OSBPL10: variants seen among roughly 807,000 people sequenced by gnomAD.
OSBPL10 encodes oxysterol-binding protein-related protein 10.
OSBPL10 carries 49 observed loss-of-function variants against 81.7 expected under a neutral mutation model. That is an observed-to-expected ratio of 0.60 (90% CI 0.48 to 0.76). The LOEUF (loss-of-function observed/expected upper bound fraction) is 0.76, where lower values mean the gene tolerates loss of function less well. OSBPL10 is among the 30% of genes least tolerant of loss of function. OSBPL10 has a pLI of 0.00. For synonymous variants in OSBPL10, 419 were observed against 383.6 expected (o/e 1.09, Z -1.08); for missense variants, 923 against 987.8 (o/e 0.93, Z 0.88).
At chr3:31,818,210 T>G (rs747277092) in intron 4 of OSBPL10, among the ~76,000 whole-genome samples, 10 of 152,102 alleles carry the variant, frequency 6.6e-5, no homozygotes, top group Non-Finnish European at 1.2e-4. Context: ...CAGATTGCCC[T>G]CTGTAATGTG....
intron 7 of OSBPL10, among the ~76,000 whole-genome samples, chr3:31,686,201 C>A (rs906358721): frequency 3.3e-5 from 5 of 151,972 alleles, no homozygotes; most frequent in African/African-American, 4.8e-5. Context: ...TCCCAGCCTG[C>A]AGAATTGTGA....
intron 1 of OSBPL10, among the ~76,000 whole-genome samples, chr3:32,067,878 T>C (rs984143479): frequency 1.3e-5 from 2 of 152,202 alleles, no homozygotes; most frequent in African/African-American, 2.4e-5. Flanking sequence ...AACAGTCTTG[T>C]TGCTCACACA....
At chr3:31,763,983 C>T (rs1421874601) in intron 4 of OSBPL10, among the ~76,000 whole-genome samples, 1 of 152,184 alleles carries the variant, frequency 6.6e-6, no homozygotes, top group Admixed American at 6.5e-5. Flanking sequence ...CTGCAGTCAC[C>T]ATTTTACAGA....
intron 1 of OSBPL10, among the ~76,000 whole-genome samples, chr3:32,074,266 T>G (rs1699855974): frequency 6.6e-6 from 1 of 152,158 alleles, no homozygotes; most frequent in Non-Finnish European, 1.5e-5. Flanking sequence ...CCGCATCTAC[T>G]TACGGCACCT....
chr3:31,844,806 G>T (rs1700586993), intron 3 of OSBPL10, among the ~76,000 whole-genome samples: 1 of 152,234 alleles, frequency 6.6e-6, no homozygotes, highest in African/African-American at 2.4e-5. Flanking sequence ...AGGCACAGTG[G>T]CTCACGCCTA....
At chr3:31,932,283 C>T (rs78938957) in intron 1 of OSBPL10, among the ~76,000 whole-genome samples, 1,528 of 152,276 alleles carry the variant, frequency 0.01, 15 homozygotes, top group South Asian at 0.02. Flanking sequence ...CTCACCTCCA[C>T]CCGCATCTCC....
chr3:32,074,314 T>G (rs1021911525), intron 1 of OSBPL10, among the ~76,000 whole-genome samples: 1 of 152,168 alleles, frequency 6.6e-6, no homozygotes, highest in Non-Finnish European at 1.5e-5. Context: ...ATATTTGGAC[T>G]GCTAACCACG....
At position 31,670,832 on chromosome 3, in the gene OSBPL10, G is replaced by T. The variant is rs757945528; in HGVS notation, c.1878C>A (p.Phe626Leu). The stretch of plus-strand genomic sequence containing the variant: ...TCCCTCCATAGAAAGGCTTCGTGTG[G>T]AATATCACTGTCGCTGAGTACCCAG... Reference protein sequence around the residue: ...AKTGYSATVIFHTKPFYGGKV... With the variant: ...AKTGYSATVILHTKPFYGGKV... The change falls in exon 9 of 12, where the codon TTC becomes TTA. Residue 626 changes from phenylalanine (F) to leucine (L), a missense_variant. Phe to Leu is a conservative substitution (Grantham distance 22). Coordinates refer to ENST00000396556, the MANE Select transcript of OSBPL10 (RefSeq NM_017784.5). 3.1e-6 allele frequency: 5 copies of T among 1,614,170 alleles called. No individual in the cohort carries two copies. The highest frequency in any genetic ancestry group is 4.2e-6 in the Non-Finnish European group (5 of 1,180,022).
intron 1 of OSBPL10, among the ~76,000 whole-genome samples, chr3:31,955,467 G>C (rs928129375): frequency 6.6e-6 from 1 of 152,174 alleles, no homozygotes; most frequent in African/African-American, 2.4e-5. Context: ...AAAGGCTCAG[G>C]CATGGCACTG....
Position 31,924,514 on chromosome 3 carries a change from C to T in OSBPL10, c.282-44684G>A, listed in dbSNP as rs148660955. Among the ~76,000 whole-genome samples the T allele has an allele frequency of 6.6e-5, 10 of 152,260 alleles. No homozygotes were observed. In the East Asian group the frequency reaches 1.9e-3, roughly 29 times the overall value. The stretch of plus-strand genomic sequence containing the variant: ...GGTAAAATCCTGGATAACAAAATCT[C>T]TCCCGTAAAATTGAAAACACAAGCC... On this transcript the variant is annotated intron_variant, in intron 1 of 11. Coordinates refer to ENST00000396556, the MANE Select transcript of OSBPL10 (RefSeq NM_017784.5).
intron 1 of OSBPL10, among the ~76,000 whole-genome samples, chr3:31,932,696 T>C (rs963344789): frequency 3.3e-5 from 5 of 151,736 alleles, no homozygotes; most frequent in Admixed American, 3.3e-4. Context: ...GTCTGCTCCT[T>C]CTCCTCCCCC....
chr3:31,870,060 G>A (rs1575591737), intron 3 of OSBPL10, among the ~76,000 whole-genome samples: 2 of 152,232 alleles, frequency 1.3e-5, no homozygotes, highest in African/African-American at 4.8e-5. Flanking sequence ...CACTGTGGGA[G>A]CCCCTTTCTG....
At chr3:31,884,248 G>T (rs1559504586) in intron 1 of OSBPL10, among the ~76,000 whole-genome samples, 2 of 151,646 alleles carry the variant, frequency 1.3e-5, no homozygotes, top group African/African-American at 2.4e-5. Context: ...TGCCTCAGAT[G>T]AAAAAAAAGA....
chr3:31,668,901 G>C (rs992089379), intron 9 of OSBPL10, 77 bp from the exon 10 acceptor site: 1 of 1,307,012 alleles, frequency 7.7e-7, no homozygotes, highest in Non-Finnish European at 1.0e-6. Flanking sequence ...CCCATCTCTA[G>C]AGATTTTTTT....
At chr3:31,673,481 G>A (rs544821364) in intron 8 of OSBPL10, among the ~76,000 whole-genome samples, 7 of 152,212 alleles carry the variant, frequency 4.6e-5, no homozygotes, top group South Asian at 2.1e-4. Context: ...CCAAGACCCC[G>A]GTTCCTTGGG....
Position 31,883,729 on chromosome 3 carries a change from G to A in OSBPL10, c.282-3899C>T, listed in dbSNP as rs371794484. 7.9e-5 allele frequency among the ~76,000 whole-genome samples: 12 copies of A among 151,910 alleles called. No homozygotes were observed. The East Asian group carries it at 9.7e-4, about 12-fold the overall frequency. On this transcript the variant is annotated intron_variant, in intron 1 of 11. Coordinates refer to ENST00000396556, the MANE Select transcript of OSBPL10 (RefSeq NM_017784.5). ...GCATTTTCAGTAGAGACAGGGTTTC[G>A]CCATGTTGGCCAGGCAGGTCCTGAC... is the stretch of plus-strand genomic sequence containing the variant.
intron 6 of OSBPL10, chr3:31,708,779 C>T: frequency 4.1e-6 from 4 of 985,444 alleles, no homozygotes; most frequent in Non-Finnish European, 4.8e-6. Context: ...GTGGCTGTGT[C>T]TAATTCTCCA....
At chr3:31,665,073 A>G (rs2125499393) in intron 10 of OSBPL10, among the ~76,000 whole-genome samples, 1 of 152,276 alleles carries the variant, frequency 6.6e-6, no homozygotes, top group South Asian at 2.1e-4. Context: ...GGAAAAAAAA[A>G]GCACTTTGAC....
chr3:31,677,601 G>A (rs891602934), intron 8 of OSBPL10, among the ~76,000 whole-genome samples: 1 of 152,216 alleles, frequency 6.6e-6, no homozygotes, highest in African/African-American at 2.4e-5. Context: ...TCTGCAGGCT[G>A]CATCTGAGGG....
Sources: allele counts gnomAD v4.1 joint callset (sites outside exome capture counted in the v4.1 genomes callset), GRCh38; gene constraint gnomAD v4.1.1; transcripts MANE v1.5; gene names NCBI Gene and HGNC (gene_info 2026-07-23, HGNC 2026-07-21).